PDE8B: variants seen among roughly 807,000 people sequenced by gnomAD.
The protein encoded by PDE8B is high affinity cAMP-specific and IBMX-insensitive 3',5'-cyclic phosphodiesterase 8B.
A neutral mutation model predicts 101.3 loss-of-function variants in PDE8B; 26 were observed. The observed-to-expected ratio is 0.26, with a 90% CI of 0.19 to 0.36. The LOEUF is 0.36. Among genes scored for constraint, PDE8B ranks in the 10% least tolerant of loss-of-function variants. The pLI, the probability that PDE8B is intolerant of heterozygous loss-of-function variation, is 1.00. For synonymous variants in PDE8B, 424 were observed against 429.3 expected, an observed-to-expected ratio of 0.99 and a Z score of 0.15; for missense variants, 810 against 1,163.1, an observed-to-expected ratio of 0.70 and a Z score of 4.42.
chr5:77,359,836 G>A (rs1007877850), intron 10 of PDE8B, among the ~76,000 whole-genome samples: 3 of 152,142 alleles, frequency 2.0e-5, no homozygotes, highest in African/African-American at 7.2e-5. Context: ...AGTGGTTCAC[G>A]CCTATAATCC....
At chr5:77,130,489 G>A in the PDE8B span, among the ~76,000 whole-genome samples, 1 of 152,112 alleles carries the variant, frequency 6.6e-6, no homozygotes, top group African/African-American at 2.4e-5. Flanking sequence ...TTTCTTCCAA[G>A]TACTCTTCTA....
intron 5 of PDE8B, among the ~76,000 whole-genome samples, chr5:77,335,174 C>T (rs553010501): frequency 1.3e-5 from 2 of 152,280 alleles, no homozygotes; most frequent in East Asian, 1.9e-4. Context: ...ATTTACAAAA[C>T]AGTGTCGTGA....
intron 1 of PDE8B, among the ~76,000 whole-genome samples, chr5:77,251,076 C>T (rs1757968588): frequency 6.6e-6 from 1 of 152,204 alleles, no homozygotes; most frequent in African/African-American, 2.4e-5. Flanking sequence ...GTCAGACTGT[C>T]TGGCTTTGTA....
chr5:77,348,065 G>C (rs770070291), intron 7 of PDE8B, among the ~76,000 whole-genome samples: 3 of 152,108 alleles, frequency 2.0e-5, no homozygotes, highest in Non-Finnish European at 4.4e-5. Context: ...GATGACCAGA[G>C]CATCTTCCAA....
chr5:77,388,719 TC>T (rs1176726119), intron 10 of PDE8B, among the ~76,000 whole-genome samples: 1 of 152,160 alleles, frequency 6.6e-6, no homozygotes, highest in African/African-American at 2.4e-5. Flanking sequence ...GGGGGTTTTA[TC>T]TATAAGTCCC....
intron 1 of PDE8B, among the ~76,000 whole-genome samples, chr5:77,265,259 A>C (rs1761459381): frequency 6.6e-6 from 1 of 152,224 alleles, no homozygotes; most frequent in Non-Finnish European, 1.5e-5. Context: ...TTGGCACAAT[A>C]AATACCTGCT....
chr5:77,337,878 C>A (rs948009716), intron 6 of PDE8B, among the ~76,000 whole-genome samples: 1 of 152,186 alleles, frequency 6.6e-6, no homozygotes, highest in Non-Finnish European at 1.5e-5. Context: ...GGATTCTCTG[C>A]GTGTCTGGCT....
the PDE8B span, chr5:77,180,501 C>G: frequency 1.0e-6 from 1 of 984,996 alleles, no homozygotes; most frequent in East Asian, 1.1e-4. Context: ...GCCCCCAGCG[C>G]GGGGGACCGC....
the PDE8B span, among the ~76,000 whole-genome samples, chr5:77,182,531 G>A: frequency 6.6e-6 from 1 of 152,230 alleles, no homozygotes; most frequent in South Asian, 2.1e-4. Context: ...TAGAGGGGAA[G>A]CCCCACACTA....
At chr5:77,198,046 G>A in the PDE8B span, among the ~76,000 whole-genome samples, 1 of 151,890 alleles carries the variant, frequency 6.6e-6, no homozygotes, top group Admixed American at 6.6e-5. Context: ...TAGACATTGT[G>A]AATGTCTAAG....
intron 1 of PDE8B, among the ~76,000 whole-genome samples, chr5:77,247,261 T>C (rs1395308138): frequency 6.6e-6 from 1 of 152,150 alleles, no homozygotes; most frequent in Non-Finnish European, 1.5e-5. Context: ...TTTCTCCTTA[T>C]TGTTCTGGGC....
intron 1 of PDE8B, among the ~76,000 whole-genome samples, chr5:77,282,928 C>T (rs930078751): frequency 7.2e-5 from 11 of 151,882 alleles, no homozygotes; most frequent in South Asian, 6.2e-4. Context: ...GTGCTGACCT[C>T]GGGGAGCACT....
In PDE8B at chr5:77,344,850, C is replaced by T. The variant is rs1228723500; in HGVS notation, c.798-3C>T. On this transcript the variant is annotated splice_polypyrimidine_tract_variant and splice_region_variant and intron_variant, in intron 6 of 21. Transcript: ENST00000264917. ...ACTAACTTCAATCTTTTATAACTTT[C>T]AGGGCCTGTAATTCAGTGTTTACAG... 1.3e-6 allele frequency: 2 copies of T among 1,586,170 alleles called. No individual in the cohort carries two copies. The highest frequency in any genetic ancestry group is 2.2e-5 in the East Asian group (1 of 44,752).
In PDE8B at chr5:77,250,677, G is replaced by A. The variant is rs543262947; in HGVS notation, c.339+39413G>A. Among the ~76,000 whole-genome samples, 6 of 152,316 alleles carry A rather than the reference G, an allele frequency of 3.9e-5. No individual in the cohort carries two copies. In the South Asian group the frequency reaches 1.0e-3, roughly 26 times the overall value. On this transcript the variant is annotated intron_variant, in intron 1 of 21. Transcript: ENST00000264917. Reference sequence around the variant, plus strand: ...GTCCACAATCAGGGTGAGGTGTGGGGAGGTCTCAGTCTCTCTATAGCTTTG... The same window carrying A: ...GTCCACAATCAGGGTGAGGTGTGGGAAGGTCTCAGTCTCTCTATAGCTTTG...
Position 77,407,462 on chromosome 5 carries a change from G to A in PDE8B, c.1365+5G>A. The A allele has an allele frequency of 3.1e-6, 5 of 1,609,828 alleles. No individual in the cohort carries two copies. Among genetic ancestry groups the A allele is most frequent in the Non-Finnish European group, 4.3e-6 (5 of 1,176,452 alleles). On this transcript the variant is annotated splice_donor_5th_base_variant and intron_variant, in intron 13 of 21. Transcript: ENST00000264917. ...ATCGAGGCTCCCATCACAAAGGTGAGTGGCGGCTGCTGCCTGCACTCTGCA... is the reference window on the plus strand; with the variant it reads ...ATCGAGGCTCCCATCACAAAGGTGAATGGCGGCTGCTGCCTGCACTCTGCA...
At chr5:77,180,598 A>T in the PDE8B span, 1 of 512,964 alleles carries the variant, frequency 1.9e-6, no homozygotes, top group Non-Finnish European at 2.5e-6. Context: ...TCAGACACCC[A>T]GGTGCTAGGG....
intron 11 of PDE8B, among the ~76,000 whole-genome samples, chr5:77,403,699 G>C (rs568450102): frequency 6.6e-6 from 1 of 152,030 alleles, no homozygotes; most frequent in Non-Finnish European, 1.5e-5. Context: ...TTTTAAGCTA[G>C]ATTATTTAAG....
chr5:77,155,709 C>A, the PDE8B span, among the ~76,000 whole-genome samples: 1 of 152,122 alleles, frequency 6.6e-6, no homozygotes, highest in East Asian at 1.9e-4. Context: ...AAACTGATTT[C>A]TCAGAGGTTG....
intron 10 of PDE8B, among the ~76,000 whole-genome samples, chr5:77,367,996 G>A (rs1198094517): frequency 6.6e-6 from 1 of 152,238 alleles, no homozygotes; most frequent in Non-Finnish European, 1.5e-5. Flanking sequence ...AATGAGGCTG[G>A]CATGGCCTTT....
Sources: allele counts gnomAD v4.1 joint callset (sites outside exome capture counted in the v4.1 genomes callset), GRCh38; gene constraint gnomAD v4.1.1; transcripts MANE v1.5; gene names NCBI Gene and HGNC (gene_info 2026-07-23, HGNC 2026-07-21).